Variants in BNC2 observed in about 807,000 individuals in gnomAD.
BNC2 encodes the protein zinc finger protein basonuclin-2.
Under a neutral mutation model 76.3 loss-of-function variants are expected in BNC2, and 20 were observed. The ratio of observed to expected loss-of-function variants is 0.26; its 90% CI spans 0.18 to 0.38. The LOEUF is 0.38. BNC2 is among the 10% of genes least tolerant of loss of function. The pLI, the probability that BNC2 is intolerant of heterozygous loss-of-function variation, is 1.00. For missense variants in BNC2, 1,382 were observed against 1,399.8 expected (o/e 0.99, Z 0.20); for synonymous variants, 582 against 514.8 (o/e 1.13, Z -1.77).
rs544542345 is a variant in BNC2, at chr9:16,722,767, C to T, written c.330+5030G>A. On this transcript the variant is annotated intron_variant, in intron 3 of 6. Coordinates refer to ENST00000380672, the MANE Select transcript of BNC2 (RefSeq NM_017637.6). Reference sequence around the variant, plus strand: ...TTTGTGCATGCTTTACTTGCGTTAACGTTTACATGTACATAGAATACCATA... The same window carrying T: ...TTTGTGCATGCTTTACTTGCGTTAATGTTTACATGTACATAGAATACCATA... Among the ~76,000 whole-genome samples the T allele has an allele frequency of 7.9e-5, 12 of 152,248 alleles. No homozygotes were observed. In the East Asian group the frequency reaches 9.6e-4, roughly 12 times the overall value.
At chr9:16,678,263 T>C (rs916589820) in intron 3 of BNC2, among the ~76,000 whole-genome samples, 3 of 136,948 alleles carry the variant, frequency 2.2e-5, no homozygotes, top group Admixed American at 7.7e-5. Flanking sequence ...TTTTCTTTCT[T>C]TTTCTTTTTT....
chr9:16,661,505 A>C (rs2134061970), intron 3 of BNC2, among the ~76,000 whole-genome samples: 1 of 152,288 alleles, frequency 6.6e-6, no homozygotes, highest in East Asian at 1.9e-4. Flanking sequence ...AAGACTCTGG[A>C]GTCCTCTGTC....
rs1018800616 is a variant in BNC2, at chr9:16,526,162, C to T, written c.669+26368G>A. Among the ~76,000 whole-genome samples, 4 of 151,964 alleles carry T rather than the reference C, an allele frequency of 2.6e-5. No individual in the cohort carries two copies. In the East Asian group the frequency reaches 7.7e-4, roughly 29 times the overall value. ...TACTCTTTTTGGTCTTTTCAGATCA[C>T]TGTTGTATTTAATTATATATAAAGG... On this transcript the variant is annotated intron_variant, in intron 5 of 6. Transcript: ENST00000380672.
intron 3 of BNC2, among the ~76,000 whole-genome samples, chr9:16,630,808 C>T (rs543557410): frequency 1.7e-4 from 25 of 146,490 alleles, no homozygotes; most frequent in African/African-American, 5.7e-4. Flanking sequence ...GGTGCGATCT[C>T]GGCTCACTGC....
intron 3 of BNC2, among the ~76,000 whole-genome samples, chr9:16,716,492 C>A (rs1050086528): frequency 3.9e-5 from 6 of 152,040 alleles, no homozygotes; most frequent in African/African-American, 1.4e-4. Context: ...AGGAGAATAT[C>A]TTTTACATTT....
chr9:16,484,835 G>C (rs1210664439), intron 5 of BNC2, among the ~76,000 whole-genome samples: 6 of 152,150 alleles, frequency 3.9e-5, no homozygotes, highest in Non-Finnish European at 8.8e-5. Context: ...AGACTATAAA[G>C]ACATTTCCAC....
chr9:16,490,215 G>A (rs1422257615), intron 5 of BNC2, among the ~76,000 whole-genome samples: 1 of 152,116 alleles, frequency 6.6e-6, no homozygotes, highest in Non-Finnish European at 1.5e-5. Flanking sequence ...GTTCCACATG[G>A]CTGGGGAGGC....
Position 16,547,344 on chromosome 9 carries a change from C to T in BNC2, c.669+5186G>A, listed in dbSNP as rs572522657. On this transcript the variant is annotated intron_variant, in intron 5 of 6. Coordinates refer to ENST00000380672, the MANE Select transcript of BNC2 (RefSeq NM_017637.6). Reference sequence around the variant, plus strand: ...GCTATAGCAGTCAGTCCTTAGGAAGCCTGGAGAAAAAACTAAGGGCCTTTT... The same window carrying T: ...GCTATAGCAGTCAGTCCTTAGGAAGTCTGGAGAAAAAACTAAGGGCCTTTT... 7.2e-5 allele frequency among the ~76,000 whole-genome samples: 11 copies of T among 152,290 alleles called. 1 individual carries two copies. The South Asian group carries it at 2.3e-3, about 32-fold the overall frequency.
chr9:16,568,001 T>C (rs1563843149), intron 4 of BNC2, among the ~76,000 whole-genome samples: 1 of 152,208 alleles, frequency 6.6e-6, no homozygotes, highest in African/African-American at 2.4e-5. Context: ...TTTTTAATGC[T>C]AATTTGAAGT....
chr9:16,600,767 T>C (rs1820222733), intron 3 of BNC2, among the ~76,000 whole-genome samples: 1 of 152,052 alleles, frequency 6.6e-6, no homozygotes, highest in Non-Finnish European at 1.5e-5. Context: ...TTAGAAGTAA[T>C]ATAAAGAGCT....
At chr9:16,765,431 C>G (rs752024540) in intron 1 of BNC2, among the ~76,000 whole-genome samples, 2 of 152,074 alleles carry the variant, frequency 1.3e-5, no homozygotes, top group Non-Finnish European at 2.9e-5. Flanking sequence ...CAGATGGAAA[C>G]AATATTACTC....
intron 5 of BNC2, among the ~76,000 whole-genome samples, chr9:16,505,496 A>C (rs1207448297): frequency 6.6e-6 from 1 of 152,120 alleles, no homozygotes; most frequent in Non-Finnish European, 1.5e-5. Context: ...GGCTGTCTTA[A>C]CTCTTGGGAT....
chr9:16,616,820 A>AAGGAAGGAAGGAAGGAAGTAAGG (rs754810040), intron 3 of BNC2, among the ~76,000 whole-genome samples: 1 of 129,046 alleles, frequency 7.7e-6, no homozygotes, highest in Non-Finnish European at 1.6e-5. Context: ...AGGAAGGAAG[A>AAGGAAGGAAGGAAGGAAGTAAGG]AAGGAAGGAA....
At chr9:16,719,190 C>T (rs1360799881) in intron 3 of BNC2, among the ~76,000 whole-genome samples, 1 of 152,086 alleles carries the variant, frequency 6.6e-6, no homozygotes, top group African/African-American at 2.4e-5. Flanking sequence ...CATATCTTGC[C>T]GGTGACATCC....
intron 5 of BNC2, among the ~76,000 whole-genome samples, chr9:16,479,818 G>A (rs936769219): frequency 2.0e-5 from 3 of 152,110 alleles, no homozygotes; most frequent in Non-Finnish European, 2.9e-5. Context: ...GATTATTTAT[G>A]TTTATTTTAA....
intron 5 of BNC2, among the ~76,000 whole-genome samples, chr9:16,441,217 C>A (rs1490568664): frequency 6.6e-6 from 1 of 152,160 alleles, no homozygotes. Context: ...GGTGGAAGGA[C>A]TGCTTGAATC....
chr9:16,529,541 G>C (rs1253087036), intron 5 of BNC2, among the ~76,000 whole-genome samples: 1 of 152,046 alleles, frequency 6.6e-6, no homozygotes, highest in Non-Finnish European at 1.5e-5. Context: ...AGGAAGCTTT[G>C]ATATATTTTG....
At position 16,433,918 on chromosome 9, in the gene BNC2, G is replaced by C. The variant is rs116435377; in HGVS notation, c.2639+1637C>G. ...ATACAATGCATTAACCTCGTTATTAGTAGTGTACTATCTCAAATTTAAAAG... is the reference window on the plus strand; with the variant it reads ...ATACAATGCATTAACCTCGTTATTACTAGTGTACTATCTCAAATTTAAAAG... On this transcript the variant is annotated intron_variant, in intron 6 of 6. Coordinates refer to ENST00000380672, the MANE Select transcript of BNC2 (RefSeq NM_017637.6). 7.5e-3 allele frequency among the ~76,000 whole-genome samples: 1,139 copies of C among 152,142 alleles called. 17 individuals carry two copies. The highest frequency in any genetic ancestry group is 0.026 in the African/African-American group (1,074 of 41,510).
chr9:16,832,330 T>A, intron 1 of BNC2: 1 of 1,263,936 alleles, frequency 7.9e-7, no homozygotes, highest in Non-Finnish European at 1.0e-6. Flanking sequence ...AAGCACAGAA[T>A]TCCAGAGAAA....
Sources: gnomAD v4.1 joint callset for allele counts (sites outside exome capture counted in the v4.1 genomes callset) on GRCh38, gnomAD v4.1.1 for gene constraint, MANE v1.5 for transcripts, NCBI Gene and HGNC (gene_info 2026-07-23, HGNC 2026-07-21) for gene names.